GALNT18: variants seen among roughly 807,000 people sequenced by gnomAD.
The protein encoded by GALNT18 is polypeptide N-acetylgalactosaminyltransferase 18.
In GALNT18, 44 loss-of-function variants were observed where a neutral mutation model predicts 69.5. That is an observed-to-expected ratio of 0.63 (90% CI 0.50 to 0.81). The LOEUF (loss-of-function observed/expected upper bound fraction) is 0.81, where lower values mean the gene tolerates loss of function less well. Ranked by LOEUF, GALNT18 falls within the 40% of genes least tolerant of loss-of-function variation. The pLI is 0.00. For missense variants in GALNT18, 715 were observed against 810.0 expected (o/e 0.88, Z 1.42); for synonymous variants, 364 against 318.2 (o/e 1.14, Z -1.53).
chr11:11,276,812 T>C (rs914923098), intron 10 of GALNT18, among the ~76,000 whole-genome samples: 21 of 152,216 alleles, frequency 1.4e-4, no homozygotes, highest in Non-Finnish European at 2.2e-4. Context: ...ATGGATTATG[T>C]TGCTTGATTT....
chr11:11,547,896 G>T (rs79607941), intron 1 of GALNT18, among the ~76,000 whole-genome samples: 31,344 of 152,022 alleles, frequency 0.21, 3,770 homozygotes, highest in Non-Finnish European at 0.26. Flanking sequence ...ACCATTCCTG[G>T]AACGTACCAT....
chr11:11,330,002 G>A (rs1849990606), intron 8 of GALNT18, among the ~76,000 whole-genome samples: 1 of 152,162 alleles, frequency 6.6e-6, no homozygotes, highest in Admixed American at 6.6e-5. Context: ...AGCCAGGCAT[G>A]TCTGTTTCCA....
At chr11:11,509,007 G>T (rs546000550) in intron 1 of GALNT18, among the ~76,000 whole-genome samples, 3 of 152,200 alleles carry the variant, frequency 2.0e-5, no homozygotes, top group Admixed American at 1.3e-4. Flanking sequence ...TCTGGCCCCA[G>T]CTCCCACCCC....
chr11:11,518,804 G>T (rs1014213857), intron 1 of GALNT18, among the ~76,000 whole-genome samples: 1 of 152,170 alleles, frequency 6.6e-6, no homozygotes, highest in Non-Finnish European at 1.5e-5. Flanking sequence ...GGGAGCACTG[G>T]ACCCACCAGC....
intron 1 of GALNT18, among the ~76,000 whole-genome samples, chr11:11,553,177 C>T (rs1013429542): frequency 3.9e-5 from 6 of 152,340 alleles, no homozygotes; most frequent in South Asian, 2.1e-4. Flanking sequence ...CTCCGACCTA[C>T]TCTCAAGTTC....
chr11:11,352,970 G>A (rs1850448462), intron 6 of GALNT18: 13 of 1,614,060 alleles, frequency 8.1e-6, no homozygotes, highest in Non-Finnish European at 1.1e-5. Context: ...ATACTTCACT[G>A]TATTTACCTC....
intron 3 of GALNT18, among the ~76,000 whole-genome samples, chr11:11,395,595 G>T (rs574422545): frequency 2.4e-4 from 37 of 152,350 alleles, no homozygotes; most frequent in Non-Finnish European, 5.0e-4. Flanking sequence ...TTGATGTGTG[G>T]CAAATAGAAG....
intron 1 of GALNT18, among the ~76,000 whole-genome samples, chr11:11,483,328 T>C (rs988395407): frequency 1.3e-5 from 2 of 152,230 alleles, no homozygotes; most frequent in African/African-American, 4.8e-5. Context: ...CCCATGAGTC[T>C]ATGCTATGAC....
At chr11:11,368,783 T>G (rs1850830793) in intron 6 of GALNT18, among the ~76,000 whole-genome samples, 1 of 152,248 alleles carries the variant, frequency 6.6e-6, no homozygotes, top group South Asian at 2.1e-4. Context: ...CTACTTTATA[T>G]TCCGTGTCTG....
In GALNT18 at chr11:11,497,394, G is replaced by C. The variant is rs974859381; in HGVS notation, c.236-48458C>G. Among the ~76,000 whole-genome samples the C allele has an allele frequency of 7.1e-6, 1 of 141,692 alleles. No homozygotes were observed. The highest frequency in any genetic ancestry group is 1.5e-5 in the Non-Finnish European group (1 of 65,606). The allele number at this position is 141,692 out of a possible 152,430, so 93.0% of individuals were successfully genotyped here. ...CACCCCTTAGAATGGGGCTCCTTAA[G>C]AGCAGGGACTTTATGGGTCTTATGG... On this transcript the variant is annotated intron_variant, in intron 1 of 10. Coordinates refer to ENST00000227756, the MANE Select transcript of GALNT18 (RefSeq NM_198516.3). This position sits in a 1 kb window ranked among gnomAD's most constrained non-coding sequence, Gnocchi z 4.2.
At position 11,501,623 on chromosome 11, in the gene GALNT18, G is replaced by A. The variant is rs141728348; in HGVS notation, c.236-52687C>T. Among the ~76,000 whole-genome samples, 444 of 152,240 alleles carry A rather than the reference G, an allele frequency of 2.9e-3. 2 individuals carry two copies. Among genetic ancestry groups the A allele is most frequent in the African/African-American group, 0.01 (431 of 41,550 alleles). ...TACTTGGTTCTCATTCCTAAATTCA[G>A]TAAGGCCTGTTTCTACCTTGCCTGA... On this transcript the variant is annotated intron_variant, in intron 1 of 10. Coordinates refer to ENST00000227756, the MANE Select transcript of GALNT18 (RefSeq NM_198516.3).
chr11:11,467,652 C>G (rs1404333667), intron 1 of GALNT18, among the ~76,000 whole-genome samples: 1 of 152,188 alleles, frequency 6.6e-6, no homozygotes, highest in Non-Finnish European at 1.5e-5. Context: ...CAGTTTAACC[C>G]AAGTTCTCAA....
intron 1 of GALNT18, among the ~76,000 whole-genome samples, chr11:11,508,713 T>C (rs1341826296): frequency 5.9e-5 from 9 of 152,222 alleles, no homozygotes; most frequent in African/African-American, 2.2e-4. Flanking sequence ...TTAATGATAA[T>C]GAAGCCTTTG....
rs909982115 is a variant in GALNT18 at position 11,402,779 on chromosome 11, A to G, written c.596-23515T>C. On this transcript the variant is annotated intron_variant, in intron 3 of 10. Coordinates refer to ENST00000227756, the MANE Select transcript of GALNT18 (RefSeq NM_198516.3). The surrounding 1 kb of genome is among the most constrained non-coding windows in gnomAD (Gnocchi z 4.0). Reference sequence around the variant, plus strand: ...TGCGGGTAAGAACAGCGTCTGCAGGAGGGAAATAGGAAGATATAAAAATAC... The same window carrying G: ...TGCGGGTAAGAACAGCGTCTGCAGGGGGGAAATAGGAAGATATAAAAATAC... Among the ~76,000 whole-genome samples, 2 of 152,220 alleles carry G rather than the reference A, an allele frequency of 1.3e-5. No individual in the cohort carries two copies. Among genetic ancestry groups the G allele is most frequent in the Admixed American group, 6.5e-5 (1 of 15,280 alleles).
At chr11:11,551,085 CAA>C (rs36037822) in intron 1 of GALNT18, among the ~76,000 whole-genome samples, 60,636 of 117,236 alleles carry the variant, frequency 0.52, 15,107 homozygotes, top group Non-Finnish European at 0.63. Flanking sequence ...TATACGGTAC[CAA>C]AAAAAAAAAA....
At position 11,614,081 on chromosome 11, in the gene GALNT18, A is replaced by C. The variant is rs1022916916; in HGVS notation, c.235+7278T>G. ...AAAGCCAAGCTTGGCTTTCTGCCAC[A>C]AACCAAAGGAGACCCTCAAGACCCA... is the stretch of plus-strand genomic sequence containing the variant. On this transcript the variant is annotated intron_variant, in intron 1 of 10. Coordinates refer to ENST00000227756, the MANE Select transcript of GALNT18 (RefSeq NM_198516.3). This position sits in a 1 kb window ranked among gnomAD's most constrained non-coding sequence, Gnocchi z 5.6. Among the ~76,000 whole-genome samples, 1 of 152,172 alleles carries C rather than the reference A, an allele frequency of 6.6e-6. No individual in the cohort carries two copies. Among genetic ancestry groups the C allele is most frequent in the Non-Finnish European group, 1.5e-5 (1 of 68,024 alleles).
intron 1 of GALNT18, among the ~76,000 whole-genome samples, chr11:11,508,044 A>G (rs754239166): frequency 6.6e-6 from 1 of 152,204 alleles, no homozygotes; most frequent in African/African-American, 2.4e-5. Context: ...TATGATACCC[A>G]AGAAATTTAA....
At chr11:11,305,764 A>G (rs1429222464) in intron 9 of GALNT18, among the ~76,000 whole-genome samples, 2 of 152,174 alleles carry the variant, frequency 1.3e-5, no homozygotes, top group African/African-American at 2.4e-5. Context: ...TTTAGATCCC[A>G]AGTTCCCTGA....
chr11:11,312,559 C>T (rs903719617), intron 9 of GALNT18, among the ~76,000 whole-genome samples: 1 of 152,064 alleles, frequency 6.6e-6, no homozygotes, highest in East Asian at 1.9e-4. Context: ...GTGGCAGAGG[C>T]AGAAGAAAAT....
Sources: gnomAD v4.1 joint callset for allele counts (sites outside exome capture counted in the v4.1 genomes callset) on GRCh38, gnomAD v4.1.1 for gene constraint, Gnocchi (gnomAD v3.1) non-coding constraint, MANE v1.5 for transcripts, NCBI Gene and HGNC (gene_info 2026-07-23, HGNC 2026-07-21) for gene names.